Variants in SFSWAP observed in about 807,000 individuals in gnomAD.
The protein encoded by SFSWAP is splicing factor, suppressor of white-apricot homolog.
A neutral mutation model predicts 100.7 loss-of-function variants in SFSWAP; 17 were observed. The observed-to-expected ratio is 0.17, with a 90% CI of 0.12 to 0.25. The LOEUF is 0.25. SFSWAP is among the 10% of genes least tolerant of loss of function. The pLI is 1.00. For missense variants in SFSWAP, 1,005 were observed against 1,262.6 expected (o/e 0.80, Z 3.09); for synonymous variants, 504 against 510.1 (o/e 0.99, Z 0.16).
In SFSWAP at chr12:131,778,079, G is replaced by A. The variant is rs202167599; in HGVS notation, c.2157G>A (p.Thr719=). ...SPFSVEESST[T]PCPLLTGGRP... ...TTTATTCTTAGGAATCCAGCACTACGCCCTGCCCTCTACTGACTGGAGGCA... is the reference window on the plus strand; with the variant it reads ...TTTATTCTTAGGAATCCAGCACTACACCCTGCCCTCTACTGACTGGAGGCA... The change falls in exon 14 of 18, where the codon ACG becomes ACA. Residue 719 remains threonine (T), a synonymous_variant. Coordinates refer to ENST00000261674, the MANE Select transcript of SFSWAP (RefSeq NM_004592.4). This position sits in a 1 kb window ranked among gnomAD's most constrained non-coding sequence, Gnocchi z 4.2. The A allele has an allele frequency of 9.3e-6, 15 of 1,611,526 alleles. No homozygotes were observed. The East Asian group carries it at 2.5e-4, about 26-fold the overall frequency.
intron 7 of SFSWAP, among the ~76,000 whole-genome samples, chr12:131,738,186 T>A (rs930661429): frequency 2.0e-5 from 3 of 152,238 alleles, no homozygotes; most frequent in East Asian, 1.9e-4. Flanking sequence ...GTGCCTTTGC[T>A]GTTTATGGTA....
rs767303106 is a variant in SFSWAP, at chr12:131,733,887, C to T, written c.1081+5459C>T. ...CCCCATGCAGCTTCATCCTCCAGGGCGTGGTCTCCAGATGACTTACCTCCT... is the reference window on the plus strand; with the variant it reads ...CCCCATGCAGCTTCATCCTCCAGGGTGTGGTCTCCAGATGACTTACCTCCT... On this transcript the variant is annotated intron_variant, in intron 7 of 17. Coordinates refer to ENST00000261674, the MANE Select transcript of SFSWAP (RefSeq NM_004592.4). The surrounding 1 kb of genome is among the most constrained non-coding windows in gnomAD (Gnocchi z 5.1). 6.6e-6 allele frequency among the ~76,000 whole-genome samples: 1 copy of T among 152,198 alleles called. No individual in the cohort carries two copies. The highest frequency in any genetic ancestry group is 1.5e-5 in the Non-Finnish European group (1 of 68,022).
chr12:131,793,609 T>C (rs570847165), intron 15 of SFSWAP, among the ~76,000 whole-genome samples: 1 of 151,946 alleles, frequency 6.6e-6, no homozygotes. Flanking sequence ...AAAAACCAAT[T>C]AGACTTCATT....
In SFSWAP at chr12:131,792,094, G is replaced by A. The variant is rs116339577; in HGVS notation, c.2535-5084G>A. Among the ~76,000 whole-genome samples, 325 of 146,298 alleles carry A rather than the reference G, an allele frequency of 2.2e-3. 4 individuals carry two copies. Among genetic ancestry groups the A allele is most frequent in the African/African-American group, 7.6e-3 (298 of 39,218 alleles). On this transcript the variant is annotated intron_variant, in intron 15 of 17. Coordinates refer to ENST00000261674, the MANE Select transcript of SFSWAP (RefSeq NM_004592.4). ...GTTCACGGATCATTACTGTGTGTGC[G>A]CCCATGTGTGTTCACGGATCAGTAC...
In SFSWAP at chr12:131,754,448, C is replaced by T. The variant is rs1485881073; in HGVS notation, c.1403C>T (p.Ala468Val). 1.9e-6 allele frequency: 3 copies of T among 1,603,828 alleles called. No homozygotes were observed. Among genetic ancestry groups the T allele is most frequent in the Non-Finnish European group, 8.5e-7 (1 of 1,176,674 alleles). ...PVIDKLAEYV[A>V]RNGLKFETSV... is the part of the protein sequence containing the mutation. ...ATTGACAAGCTGGCCGAGTATGTCGCCAGGAACGGCCTGAAGTTCGAGACC... is the reference window on the plus strand; with the variant it reads ...ATTGACAAGCTGGCCGAGTATGTCGTCAGGAACGGCCTGAAGTTCGAGACC... The change falls in exon 9 of 18, where the codon GCC (alanine) becomes GTC (valine). Residue 468 changes from alanine to valine, a missense_variant. By Grantham distance (64) the Ala-to-Val change is moderately conservative. This residue lies in a region of SFSWAP where 311 missense variants were observed against 317.8 expected (regional missense o/e 0.98). Transcript: ENST00000261674.
rs759918045 is a variant in SFSWAP at position 131,764,617 on chromosome 12, G to A, written c.1882G>A (p.Ala628Thr). ...TGCTGCAAACACTAACCCAGCAGTT[G>A]CCCCACCCTGTGTAGTTGTTGAGGA... The part of the protein sequence containing the change: ...SSAANTNPAV[A>T]PPCVVVEEKK... Residue 628 changes from alanine (A) to threonine (T), a missense_variant, in exon 12 of 18, where the codon GCC becomes ACC. Physicochemically the swap from Ala to Thr is moderately conservative, Grantham distance 58 (BLOSUM62 0). Transcript: ENST00000261674. 1.2e-6 allele frequency: 2 copies of A among 1,614,214 alleles called. No individual in the cohort carries two copies. Among genetic ancestry groups the A allele is most frequent in the Non-Finnish European group, 1.7e-6 (2 of 1,180,042 alleles).
intron 16 of SFSWAP, 45 bp downstream of exon 16, chr12:131,797,405 G>A: frequency 6.5e-7 from 1 of 1,532,756 alleles, no homozygotes; most frequent in Non-Finnish European, 8.9e-7. Flanking sequence ...AAGGCAAGGG[G>A]CGGCCAGCAG....
intron 7 of SFSWAP, among the ~76,000 whole-genome samples, chr12:131,745,446 T>C (rs1881016615): frequency 6.6e-6 from 1 of 152,222 alleles, no homozygotes; most frequent in Non-Finnish European, 1.5e-5. Flanking sequence ...ATTTCTCTCA[T>C]TCACTTCTAG....
intron 7 of SFSWAP, among the ~76,000 whole-genome samples, chr12:131,742,034 A>G (rs1880692423): frequency 6.6e-6 from 1 of 151,974 alleles, no homozygotes; most frequent in Non-Finnish European, 1.5e-5. Flanking sequence ...CCCTTCCAAC[A>G]GCCTTCTTGG....
chr12:131,770,098 T>C (rs1883464296), intron 13 of SFSWAP, among the ~76,000 whole-genome samples: 1 of 152,250 alleles, frequency 6.6e-6, no homozygotes, highest in Non-Finnish European at 1.5e-5. Flanking sequence ...AATTGGCAAT[T>C]GCCATAAAGA....
In SFSWAP at chr12:131,764,816, T is replaced by C. The variant is rs981732664; in HGVS notation, c.1951+130T>C. ...CTTTGGAAATCGACCTATTTGGGAGTTGTGTAACATGTCTGAGGTTTTGAA... is the reference window on the plus strand; with the variant it reads ...CTTTGGAAATCGACCTATTTGGGAGCTGTGTAACATGTCTGAGGTTTTGAA... On this transcript the variant is annotated intron_variant, in intron 12 of 17. Transcript: ENST00000261674. 5 of 659,962 alleles carry C rather than the reference T, an allele frequency of 7.6e-6. No homozygotes were observed. In the African/African-American group the frequency reaches 9.1e-5, roughly 12 times the overall value. The allele number at this position is 659,962 out of a possible 1,614,324, so 40.9% of individuals were successfully genotyped here.
chr12:131,733,965 G>A lies in SFSWAP; in HGVS notation c.1081+5537G>A, dbSNP rs1312432486. 6.6e-6 allele frequency among the ~76,000 whole-genome samples: 1 copy of A among 152,178 alleles called. No homozygotes were observed. Among genetic ancestry groups the A allele is most frequent in the Non-Finnish European group, 1.5e-5 (1 of 68,020 alleles). The stretch of plus-strand genomic sequence containing the variant: ...CATGGGAGCCCTGAGCCCACCCTGG[G>A]GCAGGGTGACACATGGGAGCAGGTC... On this transcript the variant is annotated intron_variant, in intron 7 of 17. Coordinates refer to ENST00000261674, the MANE Select transcript of SFSWAP (RefSeq NM_004592.4). This position sits in a 1 kb window ranked among gnomAD's most constrained non-coding sequence, Gnocchi z 5.1.
intron 13 of SFSWAP, among the ~76,000 whole-genome samples, chr12:131,774,096 G>A (rs569182516): frequency 2.6e-5 from 4 of 152,298 alleles, no homozygotes; most frequent in South Asian, 2.1e-4. Context: ...GATGAGAGCC[G>A]CATTTCCGCT....
chr12:131,792,026 T>C lies in SFSWAP; in HGVS notation c.2535-5152T>C, dbSNP rs116036195. On this transcript the variant is annotated intron_variant, in intron 15 of 17. Transcript: ENST00000261674. ...GCACAGACCAGTACAGTGTGTGCAC[T>C]CGTGTGTGTTCACGGATCAGTACTG... is the stretch of plus-strand genomic sequence containing the variant. Among the ~76,000 whole-genome samples, 751 of 142,432 alleles carry C rather than the reference T, an allele frequency of 5.3e-3. 5 individuals are homozygous for C. Among genetic ancestry groups the C allele is most frequent in the African/African-American group, 0.019 (715 of 38,030 alleles). 93.4% of individuals were successfully genotyped at this position (142,432 alleles called of 152,430 possible). A position where few individuals can be genotyped will look rare whatever the true frequency, so the allele number is the denominator to read the frequency against.
intron 4 of SFSWAP, among the ~76,000 whole-genome samples, chr12:131,721,433 G>T (rs1033768116): frequency 6.6e-5 from 10 of 151,948 alleles, no homozygotes; most frequent in African/African-American, 2.2e-4. Context: ...ATTCCTATTT[G>T]TTCTGAAATA....
At position 131,726,175 on chromosome 12, in the gene SFSWAP, T is replaced by TACAC. The variant is rs143339026; in HGVS notation, c.832+557_832+560dup. 7.1e-4 allele frequency among the ~76,000 whole-genome samples: 107 copies of TACAC among 151,290 alleles called. No homozygotes were observed. In the East Asian group the frequency reaches 9.4e-3, roughly 13 times the overall value. Reference sequence around the variant, plus strand: ...GTCTATTCATATATATGTATATATATACACACACACACACATCTTCCATTG... The same window carrying TACAC: ...GTCTATTCATATATATGTATATATATACACACACACACACACACATCTTCCATTG... On this transcript the variant is annotated intron_variant, in intron 5 of 17. Coordinates refer to ENST00000261674, the MANE Select transcript of SFSWAP (RefSeq NM_004592.4).
chr12:131,788,162 G>C (rs894629415), intron 15 of SFSWAP, among the ~76,000 whole-genome samples: 3 of 152,216 alleles, frequency 2.0e-5, no homozygotes, highest in African/African-American at 7.2e-5. Context: ...ATTAACCTTT[G>C]CTTTAAGAGA....
Position 131,794,843 on chromosome 12 carries a change from T to A in SFSWAP, c.2535-2335T>A, listed in dbSNP as rs1486285236. 6.6e-6 allele frequency among the ~76,000 whole-genome samples: 1 copy of A among 152,182 alleles called. No homozygotes were observed. The highest frequency in any genetic ancestry group is 6.5e-5 in the Admixed American group (1 of 15,286). On this transcript the variant is annotated intron_variant, in intron 15 of 17. Coordinates refer to ENST00000261674, the MANE Select transcript of SFSWAP (RefSeq NM_004592.4). This position sits in a 1 kb window ranked among gnomAD's most constrained non-coding sequence, Gnocchi z 4.8. ...CTTTAAAAAAAAATGAATGAGTTGC[T>A]CCATTCCTTCAGCAAGGGCTTAGAT...
chr12:131,783,439 A>C (rs1314954635), intron 14 of SFSWAP: 1 of 152,166 alleles, frequency 6.6e-6, no homozygotes, highest in Non-Finnish European at 1.5e-5. Flanking sequence ...GGAGTTCTAG[A>C]TAGATCTTTG....
Sources: gnomAD v4.1 joint callset for allele counts (sites outside exome capture counted in the v4.1 genomes callset) on GRCh38, gnomAD v4.1.1 for gene constraint, gnomAD v4.1.1 regional missense constraint, Gnocchi (gnomAD v3.1) non-coding constraint, MANE v1.5 for transcripts, NCBI Gene and HGNC (gene_info 2026-07-23, HGNC 2026-07-21) for gene names.